UNC79: variants seen among roughly 807,000 people sequenced by gnomAD.
UNC79 encodes the protein protein unc-79 homolog.
A neutral mutation model predicts 283.1 loss-of-function variants in UNC79; 37 were observed. That is an observed-to-expected ratio of 0.13 (90% confidence interval 0.10 to 0.17). The LOEUF (loss-of-function observed/expected upper bound fraction) is 0.17. Ranked by LOEUF, UNC79 falls within the 10% of genes least tolerant of loss-of-function variation. The pLI, the probability that UNC79 is intolerant of heterozygous loss-of-function variation, is 1.00. For synonymous variants in UNC79, 1,107 were observed against 1,200.2 expected (o/e 0.92, Z 1.61); for missense variants, 2,272 against 3,211.1 (o/e 0.71, Z 7.07).
At chr14:93,389,601 A>G (rs2140004402) in intron 1 of UNC79, among the ~76,000 whole-genome samples, 1 of 152,004 alleles carries the variant, frequency 6.6e-6, no homozygotes, top group African/African-American at 2.4e-5. Flanking sequence ...AGGGCCTTAC[A>G]CAGAAGCACC....
chr14:93,602,061 A>G (rs1210942320), intron 25 of UNC79, among the ~76,000 whole-genome samples: 2 of 151,822 alleles, frequency 1.3e-5, no homozygotes, highest in Non-Finnish European at 2.9e-5. Flanking sequence ...TTGTCTGTTT[A>G]CTCTGCGGAT....
At chr14:93,523,170 G>C (rs1480323530) in intron 7 of UNC79, among the ~76,000 whole-genome samples, 1 of 152,062 alleles carries the variant, frequency 6.6e-6, no homozygotes, top group Non-Finnish European at 1.5e-5. Context: ...TTGGGCTACA[G>C]AATCATCCAG....
At chr14:93,646,499 C>A in intron 34 of UNC79, 109 bp from the exon 38 acceptor site, 2 of 1,031,456 alleles carry the variant, frequency 1.9e-6, no homozygotes, top group South Asian at 2.9e-5. Context: ...CAACATTATA[C>A]ATGTCTCCCC....
At chr14:93,486,729 A>G (rs1459378235) in intron 4 of UNC79, among the ~76,000 whole-genome samples, 1 of 151,978 alleles carries the variant, frequency 6.6e-6, no homozygotes, top group Admixed American at 6.6e-5. Flanking sequence ...GACTTCCATC[A>G]GTGCTACTTT....
chr14:93,428,750 ATACT>A (rs2140084936), upstream of UNC79, among the ~76,000 whole-genome samples: 1 of 152,316 alleles, frequency 6.6e-6, no homozygotes, highest in East Asian at 1.9e-4. Flanking sequence ...TCTCATATAT[ATACT>A]TATTTATTCC....
intron 48 of UNC79, among the ~76,000 whole-genome samples, chr14:93,704,955 C>T (rs556740681): frequency 7.8e-4 from 119 of 152,258 alleles, no homozygotes; most frequent in Non-Finnish European, 3.1e-4. Context: ...CAGGCCGAGG[C>T]CGGGTGCAAT....
At chr14:93,552,212 CT>C in intron 14 of UNC79, among the ~76,000 whole-genome samples, 1 of 152,250 alleles carries the variant, frequency 6.6e-6, no homozygotes, top group South Asian at 2.1e-4. Flanking sequence ...AATGAGTCTC[CT>C]GGTGTGTGAA....
intron 1 of UNC79, among the ~76,000 whole-genome samples, chr14:93,458,382 T>G (rs1655368835): frequency 6.6e-6 from 1 of 152,178 alleles, no homozygotes; most frequent in African/African-American, 2.4e-5. Context: ...AAGTCACACA[T>G]AGCTGTAGGT....
intron 14 of UNC79, among the ~76,000 whole-genome samples, chr14:93,571,524 C>G (rs561561817): frequency 6.6e-6 from 1 of 152,256 alleles, no homozygotes; most frequent in Admixed American, 6.5e-5. Flanking sequence ...ACAGGTATAA[C>G]GTGCATGTTG....
At chr14:93,348,783 G>A (rs2053921680) in intron 1 of UNC79, among the ~76,000 whole-genome samples, 1 of 152,226 alleles carries the variant, frequency 6.6e-6, no homozygotes, top group Non-Finnish European at 1.5e-5. Context: ...TCAACTCTGA[G>A]TCTTGGTTTC....
intron 7 of UNC79, among the ~76,000 whole-genome samples, chr14:93,501,273 A>G (rs1454749506): frequency 2.6e-5 from 4 of 152,166 alleles, no homozygotes; most frequent in Non-Finnish European, 5.9e-5. Context: ...GCAGTGAGCC[A>G]AGATTGCGCC....
intron 7 of UNC79, among the ~76,000 whole-genome samples, chr14:93,500,791 A>T (rs1026090265): frequency 2.0e-5 from 3 of 152,142 alleles, no homozygotes; most frequent in Non-Finnish European, 4.4e-5. Flanking sequence ...GTGTTACATC[A>T]CTTTTTTCAG....
intron 1 of UNC79, among the ~76,000 whole-genome samples, chr14:93,461,884 T>C (rs1227045550): frequency 6.6e-5 from 10 of 150,574 alleles, no homozygotes; most frequent in South Asian, 2.1e-4. Context: ...TTTTGAAGTA[T>C]GAGTAGGAGT....
At chr14:93,477,019 A>G (rs1356362485) in intron 3 of UNC79, among the ~76,000 whole-genome samples, 2 of 152,196 alleles carry the variant, frequency 1.3e-5, no homozygotes, top group Admixed American at 1.3e-4. Flanking sequence ...ATTAGGTAGC[A>G]CTTCCTCCCA....
intron 4 of UNC79, among the ~76,000 whole-genome samples, chr14:93,487,030 A>G (rs1467790010): frequency 1.4e-4 from 21 of 152,194 alleles, no homozygotes; most frequent in Admixed American, 1.4e-3. Context: ...TAAGCTCTGG[A>G]AAACTAAAAA....
intron 1 of UNC79, among the ~76,000 whole-genome samples, chr14:93,352,149 A>C (rs979124110): frequency 4.6e-5 from 7 of 152,196 alleles, no homozygotes; most frequent in African/African-American, 1.4e-4. Flanking sequence ...CAGTTTCTTA[A>C]GATCTATCTT....
At chr14:93,350,835 C>T (rs553713189) in intron 1 of UNC79, among the ~76,000 whole-genome samples, 1 of 151,196 alleles carries the variant, frequency 6.6e-6, no homozygotes, top group South Asian at 2.1e-4. Flanking sequence ...AATTTTTTGC[C>T]TCTAGTTCCA....
At chr14:93,597,672 C>A in intron 24 of UNC79, 132 bp downstream of exon 24, 1 of 1,044,182 alleles carries the variant, frequency 9.6e-7, no homozygotes, top group Non-Finnish European at 1.3e-6. Context: ...AGTTTATAAA[C>A]AACAGAAATT....
intron 1 of UNC79, among the ~76,000 whole-genome samples, chr14:93,414,550 T>C (rs558559388): frequency 1.3e-5 from 2 of 152,302 alleles, no homozygotes; most frequent in South Asian, 4.1e-4. Flanking sequence ...GTGGTTTTTT[T>C]CCAATTCTGT....
Sources: gnomAD v4.1 joint callset for allele counts (sites outside exome capture counted in the v4.1 genomes callset) on GRCh38, gnomAD v4.1.1 for gene constraint, MANE v1.5 for transcripts, NCBI Gene and HGNC (gene_info 2026-07-23, HGNC 2026-07-21) for gene names.